Variants in RNF19B observed in about 807,000 individuals in gnomAD.
RNF19B encodes the protein E3 ubiquitin-protein ligase RNF19B.
In RNF19B, 23 loss-of-function variants were observed where a neutral mutation model predicts 65.5. The ratio of observed to expected loss-of-function variants is 0.35; its 90% CI spans 0.25 to 0.50. The LOEUF is 0.50. Ranked by LOEUF, RNF19B falls within the 20% of genes least tolerant of loss-of-function variation. The probability of loss-of-function intolerance (pLI) is 0.98; values close to 1 mark genes in which losing one functional copy is unlikely to be tolerated. For synonymous variants in RNF19B, 372 were observed against 379.6 expected (o/e 0.98, Z 0.23); for missense variants, 794 against 980.0 (o/e 0.81, Z 2.53).
chr1:32,960,507 G>A (rs1449557580), intron 1 of RNF19B, among the ~76,000 whole-genome samples: 1 of 152,130 alleles, frequency 6.6e-6, no homozygotes, highest in Admixed American at 6.6e-5. Flanking sequence ...GCAGTGGTTC[G>A]TGCCTATAAT....
chr1:32,964,029 C>G lies in RNF19B; in HGVS notation c.635+22G>C, dbSNP rs1326766362. On this transcript the variant is annotated intron_variant, in intron 1 of 8. Transcript: ENST00000235150. This position sits in a 1 kb window ranked among gnomAD's most constrained non-coding sequence, Gnocchi z 6.5. The stretch of plus-strand genomic sequence containing the variant: ...CCCTCGGCTGCAGCCCGCCGCCACC[C>G]GCGCCACGCCCCCGCGCTCACCCGC... 1 of 1,418,194 alleles carries G rather than the reference C, an allele frequency of 7.1e-7. No homozygotes were observed. Among genetic ancestry groups the G allele is most frequent in the Middle Eastern group, 1.8e-4 (1 of 5,420 alleles). 87.9% of individuals were successfully genotyped at this position (1,418,194 alleles called of 1,614,324 possible). A position where few individuals can be genotyped will look rare whatever the true frequency, so the allele number is the denominator to read the frequency against.
chr1:32,938,140 C>CAAAAAAAAAAAAAAAAAAAAAAAA (rs80176999), intron 8 of RNF19B, among the ~76,000 whole-genome samples: 7 of 46,024 alleles, frequency 1.5e-4, no homozygotes, highest in Admixed American at 2.7e-4. Context: ...CCAAGAAAGA[C>CAAAAAAAAAAAAAAAAAAAAAAAA]AAAAAAAAAA....
rs1159792163 is a variant in RNF19B, at chr1:32,936,598, G to C, written c.*208C>G. The C allele has an allele frequency of 2.0e-6, 1 of 493,088 alleles. No individual in the cohort carries two copies. The highest frequency in any genetic ancestry group is 3.2e-5 in the East Asian group (1 of 31,094). 30.5% of individuals were successfully genotyped at this position (493,088 alleles called of 1,614,324 possible). A position where few individuals can be genotyped will look rare whatever the true frequency, so the allele number is the denominator to read the frequency against. On this transcript the variant is annotated 3_prime_UTR_variant, in exon 9 of 9. Coordinates refer to ENST00000235150, the MANE Select transcript of RNF19B (RefSeq NM_001300826.2). ...ATAAATTAAAACTAAAAAGAGGGAG[G>C]GGAGGGGAGGGGAACTAACGGCAAA...
intron 1 of RNF19B, among the ~76,000 whole-genome samples, chr1:32,956,844 T>C (rs1642650422): frequency 6.6e-6 from 1 of 152,090 alleles, no homozygotes; most frequent in Non-Finnish European, 1.5e-5. Context: ...CCAAGTCATG[T>C]AACATAACTA....
intron 1 of RNF19B, among the ~76,000 whole-genome samples, chr1:32,954,378 TC>T (rs1642584847): frequency 6.6e-6 from 1 of 151,864 alleles, no homozygotes; most frequent in Non-Finnish European, 1.5e-5. Flanking sequence ...GATTTGGCAT[TC>T]CTGTTTTTGG....
At chr1:32,935,114 A>G (rs529015127), downstream of RNF19B, among the ~76,000 whole-genome samples, 53 of 147,214 alleles carry the variant, frequency 3.6e-4, no homozygotes, top group South Asian at 2.0e-3. Context: ...GCAGGTGTGA[A>G]CCACTGCGCC....
rs56192419 is a variant in RNF19B, at chr1:32,955,331, T to G, written c.636-5557A>C. ...TGTATCCATGTATCTATTGGCTTAT[T>G]ATATGCCAGGTACTATAACCTAATC... On this transcript the variant is annotated intron_variant, in intron 1 of 8. Coordinates refer to ENST00000235150, the MANE Select transcript of RNF19B (RefSeq NM_001300826.2). Among the ~76,000 whole-genome samples the G allele has an allele frequency of 1.6e-3, 246 of 152,186 alleles. 4 individuals carry two copies. In the Middle Eastern group the frequency reaches 0.024, roughly 15 times the overall value.
Position 32,938,344 on chromosome 1 carries a change from T to A in RNF19B, c.1742+53A>T, listed in dbSNP as rs753120896. 5.6e-6 allele frequency: 9 copies of A among 1,608,530 alleles called. No homozygotes were observed. The South Asian group carries it at 8.8e-5, about 16-fold the overall frequency. On this transcript the variant is annotated intron_variant, in intron 8 of 8. Coordinates refer to ENST00000235150, the MANE Select transcript of RNF19B (RefSeq NM_001300826.2). ...ATGAGGCATTGAACTTCTGAAGACC[T>A]AGTACCCAACGAAAAAATGCAACCT... is the stretch of plus-strand genomic sequence containing the variant.
intron 1 of RNF19B, among the ~76,000 whole-genome samples, 165 bp downstream of exon 1, chr1:32,963,886 G>A (rs1642833238): frequency 6.6e-6 from 1 of 152,240 alleles, no homozygotes; most frequent in Admixed American, 6.5e-5. Context: ...GGGGTGTCGG[G>A]TGCGTTCACA....
chr1:32,962,856 C>T (rs186185363), intron 1 of RNF19B, among the ~76,000 whole-genome samples: 8 of 152,282 alleles, frequency 5.3e-5, no homozygotes, highest in East Asian at 1.9e-4. Context: ...TGCGTGCAAC[C>T]CCTTCATGGG....
At chr1:32,931,021 G>A in the RNF19B span, among the ~76,000 whole-genome samples, 1 of 151,930 alleles carries the variant, frequency 6.6e-6, no homozygotes, top group African/African-American at 2.4e-5. Context: ...CTGGGAAGCA[G>A]AGGTTGCAGT....
chr1:32,947,019 A>G (rs1376088933), intron 3 of RNF19B, among the ~76,000 whole-genome samples: 1 of 152,224 alleles, frequency 6.6e-6, no homozygotes, highest in Admixed American at 6.5e-5. Flanking sequence ...GGGAGAGGAT[A>G]TAAAAAGACC....
chr1:32,930,954 G>A, the RNF19B span, among the ~76,000 whole-genome samples: 1 of 152,114 alleles, frequency 6.6e-6, no homozygotes, highest in African/African-American at 2.4e-5. Flanking sequence ...CAGGTGTGCT[G>A]GCATGAGCCT....
At chr1:32,945,208 T>G (rs1405909054) in intron 5 of RNF19B, among the ~76,000 whole-genome samples, 1 of 152,214 alleles carries the variant, frequency 6.6e-6, no homozygotes, top group East Asian at 1.9e-4. Context: ...TTTGTGGATT[T>G]CATGGCAAGT....
chr1:32,949,446 G>T, intron 2 of RNF19B, 123 bp downstream of exon 2: 1 of 708,606 alleles, frequency 1.4e-6, no homozygotes, highest in Non-Finnish European at 2.4e-6. Flanking sequence ...ATTATCAAAT[G>T]ATATTTTCTG....
chr1:32,947,298 T>G (rs142505668), intron 3 of RNF19B, among the ~76,000 whole-genome samples: 8 of 152,140 alleles, frequency 5.3e-5, no homozygotes, highest in African/African-American at 1.7e-4. Flanking sequence ...ATTAACACAT[T>G]TTGTTTATTT....
At chr1:32,962,949 G>A (rs1164880137) in intron 1 of RNF19B, among the ~76,000 whole-genome samples, 4 of 152,148 alleles carry the variant, frequency 2.6e-5, no homozygotes, top group Admixed American at 6.5e-5. Flanking sequence ...AGCAAAATCT[G>A]GTGTATTATG....
chr1:32,950,872 C>T (rs917181061), intron 1 of RNF19B, among the ~76,000 whole-genome samples: 6 of 143,788 alleles, frequency 4.2e-5, no homozygotes, highest in Non-Finnish European at 7.5e-5. Context: ...GATGGAGTCT[C>T]GCTCTGTCGC....
At position 32,937,129 on chromosome 1, in the gene RNF19B, T is replaced by G; in HGVS notation, c.1873A>C (p.Ser625Arg). The G allele has an allele frequency of 6.2e-7, 1 of 1,614,226 alleles. No homozygotes were observed. Among genetic ancestry groups the G allele is most frequent in the African/African-American group, 1.3e-5 (1 of 75,064 alleles). The change falls in exon 9 of 9, where the codon AGT becomes CGT. Residue 625 changes from serine to arginine, a missense_variant. Transcript: ENST00000235150. ...AQMAENEEEG[S>R]GGGGSEEDPP... ...TCCTCTTCACTGCCTCCGCCACCACTACCTTCTTCTTCATTCTCTGCCATC... is the reference window on the plus strand; with the variant it reads ...TCCTCTTCACTGCCTCCGCCACCACGACCTTCTTCTTCATTCTCTGCCATC...
Sources: gnomAD v4.1 joint callset for allele counts (sites outside exome capture counted in the v4.1 genomes callset) on GRCh38, gnomAD v4.1.1 for gene constraint, Gnocchi (gnomAD v3.1) non-coding constraint, MANE v1.5 for transcripts, NCBI Gene and HGNC (gene_info 2026-07-23, HGNC 2026-07-21) for gene names.